TMEM45B: variants seen among roughly 807,000 people sequenced by gnomAD.
The protein encoded by TMEM45B is transmembrane protein 45B.
Under a neutral mutation model 27.3 loss-of-function variants are expected in TMEM45B, and 29 were observed. That is an observed-to-expected ratio of 1.06 (90% CI 0.79 to 1.45). The LOEUF is 1.45. Among genes scored for constraint, TMEM45B ranks in the 40% most tolerant of loss-of-function variants. TMEM45B has a pLI of 0.00. For synonymous variants in TMEM45B, 143 were observed against 134.7 expected (o/e 1.06, Z -0.43); for missense variants, 348 against 343.9 (o/e 1.01, Z -0.09).
At chr11:129,831,848 A>G (rs1379266607) in intron 1 of TMEM45B, among the ~76,000 whole-genome samples, 1 of 152,024 alleles carries the variant, frequency 6.6e-6, no homozygotes, top group East Asian at 1.9e-4. Context: ...CAGGCAGATC[A>G]CAAGGTCACC....
intron 1 of TMEM45B, among the ~76,000 whole-genome samples, chr11:129,832,587 C>T (rs941925610): frequency 1.7e-5 from 2 of 117,644 alleles, no homozygotes; most frequent in Admixed American, 8.5e-5. Context: ...TATGGGATTT[C>T]GTGGGGGGTT....
intron 2 of TMEM45B, among the ~76,000 whole-genome samples, chr11:129,853,867 C>G (rs1000879653): frequency 1.3e-5 from 2 of 152,214 alleles, no homozygotes; most frequent in Non-Finnish European, 2.9e-5. Context: ...TTCTTCTAGG[C>G]TTCCCCAAGA....
chr11:129,823,356 C>T (rs1947443388), intron 1 of TMEM45B, among the ~76,000 whole-genome samples: 1 of 152,136 alleles, frequency 6.6e-6, no homozygotes, highest in Non-Finnish European at 1.5e-5. Flanking sequence ...GCTTTAGCTT[C>T]TTAAGGCCTC....
At chr11:129,827,674 G>A (rs571805332) in intron 1 of TMEM45B, among the ~76,000 whole-genome samples, 28 of 152,106 alleles carry the variant, frequency 1.8e-4, no homozygotes, top group Middle Eastern at 6.8e-3. Flanking sequence ...GTGGTGGTGC[G>A]TGCCTGTAAT....
chr11:129,852,633 G>A lies in TMEM45B; in HGVS notation c.151G>A (p.Ala51Thr), dbSNP rs757047005. The A allele has an allele frequency of 7.2e-5, 116 of 1,610,478 alleles. No homozygotes were observed. Among genetic ancestry groups the A allele is most frequent in the Middle Eastern group, 1.7e-4 (1 of 6,006 alleles). ...TCAGCGTCTCGAGATCGTCGAAGCCGCAATTAGGACTTTGTTTTCCGTCAC... is the reference window on the plus strand; with the variant it reads ...TCAGCGTCTCGAGATCGTCGAAGCCACAATTAGGACTTTGTTTTCCGTCAC... ...YYQRLEIVEAAIRTLFSVTGI... is the reference protein window; with the variant it reads ...YYQRLEIVEATIRTLFSVTGI... Residue 51 changes from alanine (A) to threonine (T), a missense_variant, in exon 2 of 6, where the codon GCA becomes ACA. Transcript: ENST00000281441.
At chr11:129,828,701 G>A (rs1947515249) in intron 1 of TMEM45B, among the ~76,000 whole-genome samples, 1 of 152,152 alleles carries the variant, frequency 6.6e-6, no homozygotes, top group African/African-American at 2.4e-5. Context: ...GTTCCTGCCG[G>A]CAAGGACAAA....
intron 1 of TMEM45B, among the ~76,000 whole-genome samples, chr11:129,827,419 T>G (rs692205): frequency 6.6e-6 from 1 of 152,072 alleles, no homozygotes; most frequent in South Asian, 2.1e-4. Context: ...ACTTCAAACC[T>G]GTACAGCACA....
At position 129,843,026 on chromosome 11, in the gene TMEM45B, G is replaced by A. The variant is rs141831972; in HGVS notation, c.-8-9449G>A. Among the ~76,000 whole-genome samples the A allele has an allele frequency of 9.8e-3, 1,489 of 152,288 alleles. 25 individuals are homozygous for A. Among genetic ancestry groups the A allele is most frequent in the African/African-American group, 0.034 (1,397 of 41,550 alleles). ...GCAATCTCGGCTCACTGTAACCTCCGCCTCTCAGGTTCAAGCGATTCTTCT... is the reference window on the plus strand; with the variant it reads ...GCAATCTCGGCTCACTGTAACCTCCACCTCTCAGGTTCAAGCGATTCTTCT... On this transcript the variant is annotated intron_variant, in intron 1 of 5. Transcript: ENST00000281441.
chr11:129,829,972 G>C (rs993140425), intron 1 of TMEM45B, among the ~76,000 whole-genome samples: 21 of 152,148 alleles, frequency 1.4e-4, no homozygotes, highest in African/African-American at 5.1e-4. Flanking sequence ...TGGGACACTT[G>C]GATATTCACA....
At chr11:129,843,569 A>C (rs1043500467) in intron 1 of TMEM45B, among the ~76,000 whole-genome samples, 1 of 151,804 alleles carries the variant, frequency 6.6e-6, no homozygotes, top group African/African-American at 2.4e-5. Context: ...ATAGCATTGT[A>C]GTCAAAGAAT....
At chr11:129,829,627 A>C (rs560371026) in intron 1 of TMEM45B, among the ~76,000 whole-genome samples, 1 of 152,346 alleles carries the variant, frequency 6.6e-6, no homozygotes, top group East Asian at 1.9e-4. Flanking sequence ...TGCTCTGACT[A>C]GAACTCTGCC....
chr11:129,839,208 A>G (rs1192399834), intron 1 of TMEM45B, among the ~76,000 whole-genome samples: 1 of 152,146 alleles, frequency 6.6e-6, no homozygotes, highest in East Asian at 1.9e-4. Flanking sequence ...CCAAACCTCC[A>G]GTCTTCTTGG....
chr11:129,853,830 G>A (rs7114881), intron 2 of TMEM45B, among the ~76,000 whole-genome samples: 83,345 of 152,054 alleles, frequency 0.55, 22,981 homozygotes, highest in Middle Eastern at 0.59. Flanking sequence ...TCTGGGAAAC[G>A]GAGTCCAAAA....
At chr11:129,835,561 A>G (rs942585582) in intron 1 of TMEM45B, among the ~76,000 whole-genome samples, 2 of 152,244 alleles carry the variant, frequency 1.3e-5, no homozygotes, top group African/African-American at 4.8e-5. Context: ...ATCATGAGTT[A>G]TCCTTAAAGG....
chr11:129,854,550 G>C, intron 2 of TMEM45B, 60 bp from the exon 3 acceptor site: 1 of 1,553,954 alleles, frequency 6.4e-7, no homozygotes, highest in Non-Finnish European at 8.8e-7. Context: ...GTTATTCCTT[G>C]CTCCTATTTG....
rs542386979 is a variant in TMEM45B at position 129,850,763 on chromosome 11, C to T, written c.-8-1712C>T. Among the ~76,000 whole-genome samples the T allele has an allele frequency of 6.6e-5, 10 of 152,294 alleles. No individual in the cohort carries two copies. In the East Asian group the frequency reaches 1.7e-3, roughly 26 times the overall value. On this transcript the variant is annotated intron_variant, in intron 1 of 5. Transcript: ENST00000281441. ...ACTTAGGCAATCTCTAAGAACGAGG[C>T]TTTCCCCACAGCTCATATCCCACAT...
chr11:129,834,157 G>A (rs185148373), intron 1 of TMEM45B, among the ~76,000 whole-genome samples: 14 of 152,302 alleles, frequency 9.2e-5, no homozygotes, highest in Middle Eastern at 3.4e-3. Flanking sequence ...TTAGCCGGGC[G>A]CGGTGGCTCA....
chr11:129,854,460 C>T (rs1332798136), intron 2 of TMEM45B, 150 bp from the exon 3 acceptor site: 4 of 684,850 alleles, frequency 5.8e-6, no homozygotes, highest in Non-Finnish European at 7.7e-6. Flanking sequence ...GAAGCAGCTG[C>T]ACCTGAGGCA....
chr11:129,858,513 T>A, intron 5 of TMEM45B, 61 bp from the exon 6 acceptor site: 1 of 1,224,536 alleles, frequency 8.2e-7, no homozygotes, highest in Non-Finnish European at 1.2e-6. Flanking sequence ...TGCCTTCACA[T>A]CCTTGGTAAT....
Sources: gnomAD v4.1 joint callset for allele counts (sites outside exome capture counted in the v4.1 genomes callset) on GRCh38, gnomAD v4.1.1 for gene constraint, MANE v1.5 for transcripts, NCBI Gene and HGNC (gene_info 2026-07-23, HGNC 2026-07-21) for gene names.